Variants in SHPRH observed in about 807,000 individuals in gnomAD.
The protein encoded by SHPRH is E3 ubiquitin-protein ligase SHPRH.
SHPRH carries 106 observed loss-of-function variants against 202.5 expected under a neutral mutation model. The ratio of observed to expected loss-of-function variants is 0.52; its 90% confidence interval spans 0.45 to 0.62. SHPRH has a LOEUF of 0.62. Ranked by LOEUF, SHPRH falls within the 20% of genes least tolerant of loss-of-function variation. The pLI is 0.00. For missense variants in SHPRH, 1,710 were observed against 2,020.0 expected (o/e 0.85, Z 2.94); for synonymous variants, 729 against 686.0 (o/e 1.06, Z -0.98).
intron 18 of SHPRH, among the ~76,000 whole-genome samples, chr6:145,923,171 A>T (rs562828875): frequency 1.3e-5 from 2 of 151,900 alleles, no homozygotes; most frequent in Admixed American, 6.6e-5. Context: ...CCTTCCTGAC[A>T]TCCTTGCTCT....
chr6:145,944,363 G>A (rs992419395), intron 8 of SHPRH, among the ~76,000 whole-genome samples: 1 of 152,090 alleles, frequency 6.6e-6, no homozygotes, highest in African/African-American at 2.4e-5. Context: ...GGTTTCAAAG[G>A]GGTCTACTGG....
intron 20 of SHPRH, among the ~76,000 whole-genome samples, chr6:145,922,001 A>G (rs1475983585): frequency 6.6e-6 from 1 of 152,048 alleles, no homozygotes; most frequent in East Asian, 1.9e-4. Context: ...CAAAATCTGT[A>G]TAATTCAAAT....
intron 11 of SHPRH, 88 bp downstream of exon 11, chr6:145,940,635 G>A: frequency 2.4e-6 from 3 of 1,271,796 alleles, no homozygotes; most frequent in Non-Finnish European, 2.2e-6. Flanking sequence ...AATAGGGACT[G>A]CAGCAAAGGT....
chr6:145,860,494 T>G (rs1468051256), downstream of SHPRH, among the ~76,000 whole-genome samples: 1 of 151,896 alleles, frequency 6.6e-6, no homozygotes, highest in Admixed American at 6.6e-5. Flanking sequence ...GAAATAAAAT[T>G]TAAAAGATAC....
intron 7 of SHPRH, 84 bp from the exon 8 acceptor site, chr6:145,945,721 G>T: frequency 7.4e-7 from 1 of 1,354,262 alleles, no homozygotes; most frequent in Non-Finnish European, 9.7e-7. Context: ...ATCTGCATGA[G>T]GACTGAGTTA....
intron 13 of SHPRH, among the ~76,000 whole-genome samples, chr6:145,934,209 C>A (rs1044805591): frequency 6.6e-6 from 1 of 151,810 alleles, no homozygotes; most frequent in Non-Finnish European, 1.5e-5. Flanking sequence ...TGGTGGCTCA[C>A]GCCTGTAATC....
intron 14 of SHPRH, among the ~76,000 whole-genome samples, chr6:145,932,500 A>G (rs569404053): frequency 5.9e-5 from 9 of 152,228 alleles, no homozygotes; most frequent in African/African-American, 1.7e-4. Context: ...CTTTACACAT[A>G]TACGTTCTGT....
intron 1 of SHPRH, among the ~76,000 whole-genome samples, chr6:145,956,592 T>G (rs1231308808): frequency 1.3e-5 from 2 of 151,934 alleles, no homozygotes; most frequent in African/African-American, 2.4e-5. Context: ...CAGATGGAAA[T>G]CTGGATCCAC....
At chr6:145,873,762 G>A (rs772556941) in intron 2 of SHPRH, among the ~76,000 whole-genome samples, 4 of 151,844 alleles carry the variant, frequency 2.6e-5, no homozygotes, top group Non-Finnish European at 4.4e-5. Flanking sequence ...GAAAAAGAAC[G>A]AAAAGTTAGA....
chr6:145,899,698 AG>A (rs1466720481), intron 25 of SHPRH, among the ~76,000 whole-genome samples: 1 of 152,186 alleles, frequency 6.6e-6, no homozygotes, highest in African/African-American at 2.4e-5. Context: ...TGCACAGCAA[AG>A]GAAATAATCA....
intron 2 of SHPRH, among the ~76,000 whole-genome samples, chr6:145,868,837 A>G (rs1051279413): frequency 1.3e-5 from 2 of 152,224 alleles, no homozygotes; most frequent in African/African-American, 4.8e-5. Context: ...GTAAACATCT[A>G]CAATGAACTA....
In SHPRH at chr6:145,943,590, T is replaced by C; in HGVS notation, c.1791A>G (p.Ser597=). 1 of 1,613,950 alleles carries C rather than the reference T, an allele frequency of 6.2e-7. No homozygotes were observed. Among genetic ancestry groups the C allele is most frequent in the East Asian group, 2.2e-5 (1 of 44,854 alleles). The change falls in exon 9 of 30, where the codon TCA becomes TCG. Residue 597 remains serine, a synonymous_variant. Transcript: ENST00000275233. ...GKSQPFINPD[S]QGHCPATSDS... is the part of the protein sequence containing the mutation. ...CGCTAGTAGCTGGACAGTGACCTTGTGAATCGGGATTGATAAATGGTTGAC... is the reference window on the plus strand; with the variant it reads ...CGCTAGTAGCTGGACAGTGACCTTGCGAATCGGGATTGATAAATGGTTGAC...
At chr6:145,868,636 T>A (rs940132864) in intron 2 of SHPRH, among the ~76,000 whole-genome samples, 6 of 152,228 alleles carry the variant, frequency 3.9e-5, no homozygotes, top group Admixed American at 3.3e-4. Flanking sequence ...CAAGAGAAGA[T>A]AATCTAGCTT....
chr6:145,932,927 TTC>T, intron 14 of SHPRH, 128 bp downstream of exon 14: 1 of 1,050,022 alleles, frequency 9.5e-7, no homozygotes, highest in South Asian at 1.7e-5. Flanking sequence ...TTAAACTATA[TTC>T]AGTAGTGTGT....
intron 1 of SHPRH, among the ~76,000 whole-genome samples, chr6:145,958,705 TAC>T (rs1280692393): frequency 6.6e-6 from 1 of 152,182 alleles, no homozygotes; most frequent in East Asian, 1.9e-4. Context: ...TAACTTTCAA[TAC>T]AGTTATGCAT....
intron 27 of SHPRH, among the ~76,000 whole-genome samples, chr6:145,893,714 A>AT (rs1408713891): frequency 6.6e-6 from 1 of 152,152 alleles, no homozygotes; most frequent in Non-Finnish European, 1.5e-5. Context: ...TGAATGTGAG[A>AT]TAAGAGACAT....
At chr6:145,923,839 A>G (rs1269024187) in intron 17 of SHPRH, 54 bp from the exon 18 acceptor site, 36 of 1,567,432 alleles carry the variant, frequency 2.3e-5, no homozygotes, top group Non-Finnish European at 3.0e-5. Context: ...GTACTCACTA[A>G]GCTTCCATCA....
chr6:145,911,218 C>A (rs969208880), intron 24 of SHPRH, among the ~76,000 whole-genome samples: 3 of 152,074 alleles, frequency 2.0e-5, no homozygotes, highest in Non-Finnish European at 4.4e-5. Flanking sequence ...AACCTTGCAA[C>A]CTCCACCTCC....
intron 3 of SHPRH, among the ~76,000 whole-genome samples, chr6:145,950,755 T>C (rs1787894050): frequency 1.3e-5 from 2 of 152,102 alleles, no homozygotes; most frequent in African/African-American, 2.4e-5. Flanking sequence ...TATTATTACA[T>C]TGTAATCTAT....
Sources: allele counts gnomAD v4.1 joint callset (sites outside exome capture counted in the v4.1 genomes callset), GRCh38; gene constraint gnomAD v4.1.1; transcripts MANE v1.5; gene names NCBI Gene and HGNC (gene_info 2026-07-23, HGNC 2026-07-21).